FKBP11: variants seen among roughly 807,000 people sequenced by gnomAD.
FKBP11 encodes FKBP prolyl isomerase 11, also known as peptidyl-prolyl cis-trans isomerase FKBP11.
In FKBP11, 21 loss-of-function variants were observed where a neutral mutation model predicts 24.7. That is an observed-to-expected ratio of 0.85 (90% confidence interval 0.60 to 1.23). FKBP11 has a LOEUF of 1.23. Ranked by LOEUF, FKBP11 falls within the 50% of genes most tolerant of loss-of-function variation. The pLI, the probability that FKBP11 is intolerant of heterozygous loss-of-function variation, is 0.00. For synonymous variants in FKBP11, 106 were observed against 100.6 expected, an observed-to-expected ratio of 1.05 and a Z score of -0.32; for missense variants, 245 against 248.7, an observed-to-expected ratio of 0.99 and a Z score of 0.10.
At chr12:48,932,227 T>TTTTTTTTA in the FKBP11 span, among the ~76,000 whole-genome samples, 1 of 37,742 alleles carries the variant, frequency 2.6e-5, no homozygotes, top group African/African-American at 1.2e-4. Flanking sequence ...AAACATATAT[T>TTTTTTTTA]TATATATATA....
rs75096631 is a variant in FKBP11 at position 48,922,629 on chromosome 12, A to G, written c.389-428T>C. Reference sequence around the variant, plus strand: ...ATCAACCAACCAATGAGCACATTCAACGTGATTATGAGATAACAGGAGTTT... The same window carrying G: ...ATCAACCAACCAATGAGCACATTCAGCGTGATTATGAGATAACAGGAGTTT... On this transcript the variant is annotated intron_variant, in intron 5 of 5. Coordinates refer to ENST00000550765, the MANE Select transcript of FKBP11 (RefSeq NM_016594.3). 4,156 of 995,964 alleles carry G rather than the reference A, an allele frequency of 4.2e-3. 146 individuals are homozygous for G. In the African/African-American group the frequency reaches 0.066, roughly 16 times the overall value. 61.7% of individuals were successfully genotyped at this position (995,964 alleles called of 1,614,324 possible).
intron 5 of FKBP11, 123 bp from the exon 6 acceptor site, chr12:48,922,324 A>T: frequency 3.3e-6 from 3 of 909,676 alleles, no homozygotes; most frequent in Non-Finnish European, 4.8e-6. Flanking sequence ...GACAAGATTT[A>T]AATGTGGGCT....
chr12:48,932,863 A>G, the FKBP11 span, among the ~76,000 whole-genome samples: 5 of 152,152 alleles, frequency 3.3e-5, no homozygotes, highest in Non-Finnish European at 7.3e-5. Context: ...AGCTCTCAAT[A>G]TGCCTGGTTT....
chr12:48,931,487 A>G, the FKBP11 span: 36 of 1,534,884 alleles, frequency 2.3e-5, no homozygotes, highest in African/African-American at 4.9e-4. Flanking sequence ...GAAGAAATCC[A>G]AACAACAGAG....
upstream of FKBP11, among the ~76,000 whole-genome samples, chr12:48,928,251 C>T (rs1486866876): frequency 1.3e-5 from 2 of 151,404 alleles, no homozygotes; most frequent in African/African-American, 4.9e-5. Flanking sequence ...CGCCATATTG[C>T]CCAGACTGGT....
chr12:48,925,517 G>T (rs985625431), upstream of FKBP11: 14 of 1,442,548 alleles, frequency 9.7e-6, no homozygotes, highest in Non-Finnish European at 1.3e-5. Context: ...GCCCAGGCCA[G>T]ACTGGACGGG....
At position 48,922,186 on chromosome 12, in the gene FKBP11, T is replaced by C. The variant is rs1939852449; in HGVS notation, c.404A>G (p.Gln135Arg). The C allele has an allele frequency of 1.9e-6, 3 of 1,612,636 alleles. No homozygotes were observed. The highest frequency in any genetic ancestry group is 1.3e-5 in the African/African-American group (1 of 74,906). The stretch of plus-strand genomic sequence containing the variant: ...TAGTGCAATCAGCTCCACGTCATAC[T>C]GCACCACTGCATCCGCTGGAGAGGC... ...PPSVPADAVVQYDVELIALIR... is the reference protein window; with the variant it reads ...PPSVPADAVVRYDVELIALIR... Residue 135 changes from glutamine (Q) to arginine (R), a missense_variant, in exon 6 of 6, where the codon CAG becomes CGG. Transcript: ENST00000550765.
upstream of FKBP11, among the ~76,000 whole-genome samples, chr12:48,926,693 A>G (rs1390063717): frequency 6.6e-6 from 1 of 151,124 alleles, no homozygotes; most frequent in Non-Finnish European, 1.5e-5. Context: ...GGGTTTCTCC[A>G]TGTCTGTCAG....
chr12:48,927,119 C>A (rs1161324815), upstream of FKBP11, among the ~76,000 whole-genome samples: 1 of 152,202 alleles, frequency 6.6e-6, no homozygotes, highest in African/African-American at 2.4e-5. Flanking sequence ...ACAGTCTTAA[C>A]TGTACTCATT....
upstream of FKBP11, among the ~76,000 whole-genome samples, chr12:48,926,656 G>A (rs925638598): frequency 6.7e-6 from 1 of 149,788 alleles, no homozygotes; most frequent in African/African-American, 2.5e-5. Context: ...ACCATGCCCA[G>A]CTGATTTTGA....
chr12:48,922,598 T>A, intron 5 of FKBP11: 1 of 997,628 alleles, frequency 1.0e-6, no homozygotes, highest in Non-Finnish European at 1.2e-6. Flanking sequence ...AACTAGACTT[T>A]AAAAAATCAA....
the FKBP11 span, chr12:48,938,321 G>T: frequency 2.2e-6 from 1 of 450,326 alleles, no homozygotes; most frequent in Non-Finnish European, 4.5e-6. Flanking sequence ...CTTGACTAAT[G>T]CCCTCCCACC....
At chr12:48,925,002 G>C in intron 2 of FKBP11, 44 bp downstream of exon 2, 2 of 1,576,618 alleles carry the variant, frequency 1.3e-6, no homozygotes, top group Non-Finnish European at 1.7e-6. Flanking sequence ...TCAGCAGGGC[G>C]CCGCCCCCTC....
At chr12:48,924,531 G>C (rs1459886225) in intron 3 of FKBP11, 30 bp downstream of exon 3, 1 of 1,588,252 alleles carries the variant, frequency 6.3e-7, no homozygotes, top group Admixed American at 1.7e-5. Context: ...AGGTTGGGAA[G>C]AGGTGGAATG....
chr12:48,929,744 C>A (rs1022198657), upstream of FKBP11, among the ~76,000 whole-genome samples: 3 of 152,214 alleles, frequency 2.0e-5, no homozygotes, highest in Non-Finnish European at 2.9e-5. Context: ...CACATCAATG[C>A]TCAGTAAATG....
intron 5 of FKBP11, chr12:48,923,030 C>T (rs1939870543): frequency 3.2e-5 from 24 of 745,498 alleles, no homozygotes; most frequent in Non-Finnish European, 4.6e-5. Context: ...TGCCTGTAAT[C>T]CCAGCTACTC....
chr12:48,932,229 A>T, the FKBP11 span, among the ~76,000 whole-genome samples: 1,411 of 24,540 alleles, frequency 0.057, 15 homozygotes, highest in Middle Eastern at 0.083. Flanking sequence ...ACATATATTT[A>T]TATATATATA....
At chr12:48,925,148 A>G in intron 1 of FKBP11, 37 bp from the exon 2 acceptor site, 1 of 1,608,938 alleles carries the variant, frequency 6.2e-7, no homozygotes. Context: ...ATGCTCTTCC[A>G]AAGATCCCGT....
In FKBP11 at chr12:48,923,421, TG is replaced by T. The variant is rs79755809; in HGVS notation, c.388+360del. 5.3e-6 allele frequency: 8 copies of T among 1,501,212 alleles called. No homozygotes were observed. The East Asian group carries it at 1.0e-4, about 19-fold the overall frequency. The allele number at this position is 1,501,212 out of a possible 1,614,324, so 93.0% of individuals were successfully genotyped here. The stretch of plus-strand genomic sequence containing the variant: ...CCTGATGGAGGCTGAAAGGAAGGGG[TG>T]GGGGGTGGCTGTACAGCTGACACAG... On this transcript the variant is annotated intron_variant, in intron 5 of 5. Coordinates refer to ENST00000550765, the MANE Select transcript of FKBP11 (RefSeq NM_016594.3).
Sources: allele counts gnomAD v4.1 joint callset (sites outside exome capture counted in the v4.1 genomes callset), GRCh38; gene constraint gnomAD v4.1.1; transcripts MANE v1.5; gene names NCBI Gene and HGNC (gene_info 2026-07-23, HGNC 2026-07-21).